Variants in GLI1 observed in about 807,000 individuals in gnomAD.
The protein encoded by GLI1 is GLI family zinc finger 1, also known as transcription activator GLI1.
Under a neutral mutation model 87.8 loss-of-function variants are expected in GLI1, and 51 were observed. The ratio of observed to expected loss-of-function variants is 0.58; its 90% CI spans 0.46 to 0.73. The LOEUF (loss-of-function observed/expected upper bound fraction) is 0.73. Ranked by LOEUF, GLI1 falls within the 30% of genes least tolerant of loss-of-function variation. The probability of loss-of-function intolerance (pLI) is 0.00; values close to 1 mark genes in which losing one functional copy is unlikely to be tolerated. For missense variants in GLI1, 1,292 were observed against 1,437.2 expected, an observed-to-expected ratio of 0.90 and a Z score of 1.63; for synonymous variants, 528 against 558.2, an observed-to-expected ratio of 0.95 and a Z score of 0.76.
At chr12:57,462,523 A>G (rs1871213169) in intron 1 of GLI1, among the ~76,000 whole-genome samples, 1 of 131,290 alleles carries the variant, frequency 7.6e-6, no homozygotes, top group African/African-American at 2.8e-5. Context: ...CTGGAGTTTG[A>G]AAAGAAAAAC....
In GLI1 at chr12:57,463,988, C is replaced by G; in HGVS notation, c.101-11C>G. The G allele has an allele frequency of 1.2e-6, 2 of 1,605,122 alleles. No individual in the cohort carries two copies. The highest frequency in any genetic ancestry group is 8.5e-7 in the Non-Finnish European group (1 of 1,171,800). The stretch of plus-strand genomic sequence containing the variant: ...TCCTCCATTCCCATTCCAGCTGTCT[C>G]TTTTTTCTAGGACTGTCTGGCCCGC... On this transcript the variant is annotated splice_polypyrimidine_tract_variant and intron_variant, in intron 2 of 11. Coordinates refer to ENST00000228682, the MANE Select transcript of GLI1 (RefSeq NM_005269.3).
In GLI1 at chr12:57,466,298, G is replaced by A. The variant is rs1871481209; in HGVS notation, c.821G>A (p.Gly274Asp). The A allele has an allele frequency of 6.2e-7, 1 of 1,613,950 alleles. No individual in the cohort carries two copies. The highest frequency in any genetic ancestry group is 2.2e-5 in the East Asian group (1 of 44,868). The change falls in exon 8 of 12, where the codon GGC becomes GAC. Residue 274 changes from glycine (G) to aspartate (D), a missense_variant. By Grantham distance (94) the Gly-to-Asp change is moderately conservative. This residue lies in a region of GLI1 where 383 missense variants were observed against 368.4 expected (regional missense o/e 1.04). Coordinates refer to ENST00000228682, the MANE Select transcript of GLI1 (RefSeq NM_005269.3). The part of the protein sequence containing the change: ...ERKEFVCHWG[G>D]CSRELRPFKA... ...AAGGAGTTCGTGTGCCACTGGGGGG[G>A]CTGCTCCAGGGAGCTGAGGCCCTTC...
At chr12:57,465,024 C>T (rs924253986) in intron 4 of GLI1, 87 bp from the exon 5 acceptor site, 3 of 1,431,648 alleles carry the variant, frequency 2.1e-6, no homozygotes, top group African/African-American at 1.4e-5. Flanking sequence ...CACTACAAAT[C>T]CCAAGTCTTC....
Position 57,471,146 on chromosome 12 carries a change from G to T in GLI1, c.2406G>T (p.Gln802His). Residue 802 changes from glutamine (Q) to histidine (H), a missense_variant, in exon 12 of 12, where the codon CAG becomes CAT. Physicochemically the swap from Gln to His is conservative, Grantham distance 24. Transcript: ENST00000228682. This position sits in a 1 kb window ranked among gnomAD's most constrained non-coding sequence, Gnocchi z 4.9. ...GPKALGGTYS[Q>H]CPRLEHYGQV... Reference sequence around the variant, plus strand: ...AGGCTCTAGGTGGAACCTACAGCCAGTGTCCTCGACTTGAACATTATGGAC... The same window carrying T: ...AGGCTCTAGGTGGAACCTACAGCCATTGTCCTCGACTTGAACATTATGGAC... 6.2e-7 allele frequency: 1 copy of T among 1,612,110 alleles called. No individual in the cohort carries two copies. Among genetic ancestry groups the T allele is most frequent in the African/African-American group, 1.3e-5 (1 of 74,974 alleles).
chr12:57,467,443 C>T lies in GLI1; in HGVS notation c.1023C>T (p.Ala341=), dbSNP rs1299042662. The change falls in exon 9 of 12, where the codon GCC becomes GCT. Residue 341 remains alanine, a synonymous_variant. Transcript: ENST00000228682. ...YMCEHEGCSK[A]FSNASDRAKH... ...GTGAGCACGAGGGCTGCAGTAAAGCCTTCAGCAATGCCAGTGACCGAGCCA... is the reference window on the plus strand; with the variant it reads ...GTGAGCACGAGGGCTGCAGTAAAGCTTTCAGCAATGCCAGTGACCGAGCCA... The T allele has an allele frequency of 3.1e-6, 5 of 1,611,492 alleles. No homozygotes were observed. The South Asian group carries it at 4.4e-5, about 14-fold the overall frequency.
rs771559868 is a variant in GLI1 at position 57,471,174 on chromosome 12, G to A, written c.2434G>A (p.Val812Met). The A allele has an allele frequency of 4.4e-6, 7 of 1,605,154 alleles. No homozygotes were observed. Among genetic ancestry groups the A allele is most frequent in the South Asian group, 1.1e-5 (1 of 89,916 alleles). The change falls in exon 12 of 12, where the codon GTG becomes ATG. Residue 812 changes from valine (V) to methionine (M), a missense_variant. By Grantham distance (21) the Val-to-Met change is conservative (BLOSUM62 1). Around this residue, in one of 3 missense-constraint regions of GLI1, gnomAD observed 897 missense variants for 1,040.7 expected, o/e 0.86. Transcript: ENST00000228682. The surrounding 1 kb of genome is among the most constrained non-coding windows in gnomAD (Gnocchi z 4.9). ...TCCTCGACTTGAACATTATGGACAA[G>A]TGCAAGTCAAGCCAGAACAGGGGTG... ...QCPRLEHYGQ[V>M]QVKPEQGCPV...
chr12:57,472,140 G>C lies in GLI1; in HGVS notation c.*79G>C. ...TTCCAGAAAAATTGGGGGAGCTGCAGTCCCATGCACAAGATGCCCCAGGGA... is the reference window on the plus strand; with the variant it reads ...TTCCAGAAAAATTGGGGGAGCTGCACTCCCATGCACAAGATGCCCCAGGGA... On this transcript the variant is annotated 3_prime_UTR_variant, in exon 12 of 12. Transcript: ENST00000228682. The C allele has an allele frequency of 9.9e-7, 1 of 1,011,384 alleles. No homozygotes were observed. Among genetic ancestry groups the C allele is most frequent in the East Asian group, 2.7e-5 (1 of 37,632 alleles). 62.7% of individuals were successfully genotyped at this position (1,011,384 alleles called of 1,614,324 possible). A position where few individuals can be genotyped will look rare whatever the true frequency, so the allele number is the denominator to read the frequency against.
chr12:57,464,684 T>C lies in GLI1; in HGVS notation c.205T>C (p.Ser69Pro). Residue 69 changes from serine (S) to proline (P), a missense_variant, in exon 4 of 12, where the codon TCT becomes CCT. Physicochemically the swap from Ser to Pro is moderately conservative, Grantham distance 74. Around this residue, in one of 3 missense-constraint regions of GLI1, gnomAD observed 383 missense variants for 368.4 expected, o/e 1.04. Transcript: ENST00000228682. The part of the protein sequence containing the change: ...TNSCTEGPLF[S>P]SPRSAVKLTK... ...GTCTCCTGCCCCAGGCCCACTCTTTTCTTCTCCCCGGAGTGCAGTCAAGTT... is the reference window on the plus strand; with the variant it reads ...GTCTCCTGCCCCAGGCCCACTCTTTCCTTCTCCCCGGAGTGCAGTCAAGTT... 1 of 1,613,906 alleles carries C rather than the reference T, an allele frequency of 6.2e-7. No individual in the cohort carries two copies. Among genetic ancestry groups the C allele is most frequent in the Non-Finnish European group, 8.5e-7 (1 of 1,179,820 alleles).
In GLI1 at chr12:57,470,593, C is replaced by T. The variant is rs766813817; in HGVS notation, c.1853C>T (p.Pro618Leu). The T allele has an allele frequency of 3.1e-6, 5 of 1,614,076 alleles. No homozygotes were observed. The highest frequency in any genetic ancestry group is 1.1e-5 in the South Asian group (1 of 91,092). ...SLDRIGGLPM[P>L]PWRSRAEYPG... ...GATCGGATAGGTGGTCTTCCCATGC[C>T]TCCTTGGAGAAGCCGAGCCGAGTAT... Residue 618 changes from proline to leucine, a missense_variant, in exon 12 of 12, where the codon CCT (proline) becomes CTT (leucine). By Grantham distance (98) the Pro-to-Leu change is moderately conservative. Transcript: ENST00000228682.
In GLI1 at chr12:57,471,197, G is replaced by A; in HGVS notation, c.2457G>A (p.Gly819=). ...YGQVQVKPEQ[G]CPVGSDSTGL... ...AAGTGCAAGTCAAGCCAGAACAGGG[G>A]TGCCCAGTGGGGTCTGACTCCACAG... The change falls in exon 12 of 12, where the codon GGG becomes GGA. Residue 819 remains glycine, a synonymous_variant. Coordinates refer to ENST00000228682, the MANE Select transcript of GLI1 (RefSeq NM_005269.3). This position sits in a 1 kb window ranked among gnomAD's most constrained non-coding sequence, Gnocchi z 4.9. The A allele has an allele frequency of 6.3e-7, 1 of 1,599,488 alleles. No homozygotes were observed.
intron 11 of GLI1, among the ~76,000 whole-genome samples, 171 bp downstream of exon 11, chr12:57,469,869 C>T (rs768167431): frequency 3.5e-4 from 53 of 152,134 alleles, no homozygotes; most frequent in Non-Finnish European, 6.2e-4. Context: ...GATGTACAAA[C>T]ATGCAAAGGC....
intron 4 of GLI1, 40 bp downstream of exon 4, chr12:57,464,908 A>G: frequency 6.7e-7 from 1 of 1,483,246 alleles, no homozygotes; most frequent in Non-Finnish European, 9.4e-7. Flanking sequence ...TAAAGCCCCT[A>G]CCCAAGTCCA....
In GLI1 at chr12:57,471,912, G is replaced by A; in HGVS notation, c.3172G>A (p.Gly1058Arg). The A allele has an allele frequency of 1.9e-6, 3 of 1,611,892 alleles. No individual in the cohort carries two copies. Among genetic ancestry groups the A allele is most frequent in the Non-Finnish European group, 2.5e-6 (3 of 1,178,850 alleles). ...DFVAILDEPQ[G>R]LSPPPSHDQR... ...TGTGGCTATTCTGGATGAGCCCCAG[G>A]GGCTGAGTCCTCCTCCTTCCCATGA... The change falls in exon 12 of 12, where the codon GGG becomes AGG. Residue 1058 changes from glycine to arginine, a missense_variant. By Grantham distance (125) the Gly-to-Arg change is moderately radical (BLOSUM62 -2). Around this residue, in one of 3 missense-constraint regions of GLI1, gnomAD observed 897 missense variants for 1,040.7 expected, o/e 0.86. Transcript: ENST00000228682. This position sits in a 1 kb window ranked among gnomAD's most constrained non-coding sequence, Gnocchi z 4.9.
At chr12:57,466,106 A>G (rs1255248406) in intron 7 of GLI1, 134 bp from the exon 8 acceptor site, 1 of 1,077,158 alleles carries the variant, frequency 9.3e-7, no homozygotes, top group Admixed American at 2.1e-5. Flanking sequence ...CTGAGATGTG[A>G]GATATGATAT....
rs1871720978 is a variant in GLI1, at chr12:57,469,475, C to G, written c.1353C>G (p.Asp451Glu). 2 of 1,613,786 alleles carry G rather than the reference C, an allele frequency of 1.2e-6. No individual in the cohort carries two copies. Among genetic ancestry groups the G allele is most frequent in the Non-Finnish European group, 1.7e-6 (2 of 1,179,708 alleles). ...GGGCCCAGTCATCCTGCAGCAGTGA[C>G]CACTCCCCGGCAGGGAGTGCAGCCA... ...SPGAQSSCSS[D>E]HSPAGSAANT... Residue 451 changes from aspartate to glutamate, a missense_variant, in exon 11 of 12, where the codon GAC becomes GAG. By Grantham distance (45) the Asp-to-Glu change is conservative (BLOSUM62 2). Coordinates refer to ENST00000228682, the MANE Select transcript of GLI1 (RefSeq NM_005269.3).
chr12:57,461,978 C>T (rs1262118510), intron 1 of GLI1, among the ~76,000 whole-genome samples: 1 of 152,186 alleles, frequency 6.6e-6, no homozygotes, highest in Non-Finnish European at 1.5e-5. Flanking sequence ...CTTTTACTAG[C>T]CTGAAGGGGA....
At chr12:57,469,016 T>G (rs1871689785) in intron 10 of GLI1, among the ~76,000 whole-genome samples, 1 of 152,178 alleles carries the variant, frequency 6.6e-6, no homozygotes, top group African/African-American at 2.4e-5. Flanking sequence ...CCTCCCAAAG[T>G]GCTGGGATTA....
chr12:57,460,291 A>T (rs889792842), intron 1 of GLI1, 90 bp downstream of exon 1: 1 of 152,218 alleles, frequency 6.6e-6, no homozygotes, highest in South Asian at 2.1e-4. Context: ...CTCATCCCAG[A>T]CCCGGGACAT....
rs1461647143 is a variant in GLI1 at position 57,471,688 on chromosome 12, A to C, written c.2948A>C (p.His983Pro). 1 of 1,604,142 alleles carries C rather than the reference A, an allele frequency of 6.2e-7. No homozygotes were observed. Among genetic ancestry groups the C allele is most frequent in the Admixed American group, 1.7e-5 (1 of 58,846 alleles). ...GTAGTGGGGGCAAATAGGGCTTCAC[A>C]TAGGGCAGCAGCACCACCTCGACTT... ...NFVVGANRAS[H>P]RAAAPPRLLP... Residue 983 changes from histidine (H) to proline (P), a missense_variant, in exon 12 of 12, where the codon CAT becomes CCT. Around this residue, in one of 3 missense-constraint regions of GLI1, gnomAD observed 897 missense variants for 1,040.7 expected, o/e 0.86. Coordinates refer to ENST00000228682, the MANE Select transcript of GLI1 (RefSeq NM_005269.3). This position sits in a 1 kb window ranked among gnomAD's most constrained non-coding sequence, Gnocchi z 4.9.
Sources: gnomAD v4.1 joint callset for allele counts (sites outside exome capture counted in the v4.1 genomes callset) on GRCh38, gnomAD v4.1.1 for gene constraint, gnomAD v4.1.1 regional missense constraint, Gnocchi (gnomAD v3.1) non-coding constraint, MANE v1.5 for transcripts, NCBI Gene and HGNC (gene_info 2026-07-23, HGNC 2026-07-21) for gene names.